UTRN: variants seen among roughly 807,000 people sequenced by gnomAD.
UTRN encodes the protein dystrophin-related protein 1.
Under a neutral mutation model 463.9 loss-of-function variants are expected in UTRN, and 283 were observed. The observed-to-expected ratio is 0.61, with a 90% CI of 0.55 to 0.67. The LOEUF (loss-of-function observed/expected upper bound fraction) is 0.67. UTRN is among the 30% of genes least tolerant of loss of function. UTRN has a pLI of 0.00. For missense variants in UTRN, 3,922 were observed against 4,084.3 expected, an observed-to-expected ratio of 0.96 and a Z score of 1.08; for synonymous variants, 1,442 against 1,431.5, an observed-to-expected ratio of 1.01 and a Z score of -0.17.
At chr6:144,554,175 T>G (rs908057213) in intron 48 of UTRN, among the ~76,000 whole-genome samples, 1 of 152,160 alleles carries the variant, frequency 6.6e-6, no homozygotes, top group Non-Finnish European at 1.5e-5. Context: ...TAAAATTCCT[T>G]TTAGAGAGTT....
At chr6:144,578,586 C>T (rs6942069) in intron 51 of UTRN, among the ~76,000 whole-genome samples, 28,501 of 152,132 alleles carry the variant, frequency 0.19, 2,796 homozygotes, top group South Asian at 0.31. Flanking sequence ...CCACCTGCCT[C>T]GGTCTCCCGA....
chr6:144,670,441 A>G (rs181438883), intron 51 of UTRN, among the ~76,000 whole-genome samples: 6 of 151,334 alleles, frequency 4.0e-5, no homozygotes, highest in Admixed American at 3.3e-4. Flanking sequence ...GGAATTGTCT[A>G]TTCATGTCCT....
At chr6:144,526,553 C>T (rs1335724464) in intron 41 of UTRN, among the ~76,000 whole-genome samples, 6 of 152,120 alleles carry the variant, frequency 3.9e-5, no homozygotes, top group South Asian at 4.1e-4. Flanking sequence ...CACCCCTTTG[C>T]CTTAAGTTTA....
chr6:144,704,821 G>T (rs1784925333), intron 53 of UTRN, among the ~76,000 whole-genome samples: 2 of 152,152 alleles, frequency 1.3e-5, no homozygotes, highest in South Asian at 4.2e-4. Flanking sequence ...AATTAGCTGG[G>T]TGTGGTGACG....
intron 4 of UTRN, 64 bp downstream of exon 4, chr6:144,422,034 G>A: frequency 7.4e-7 from 1 of 1,357,400 alleles, no homozygotes; most frequent in Non-Finnish European, 1.0e-6. Flanking sequence ...ATGACCCAGT[G>A]TGGGTACCCA....
intron 51 of UTRN, among the ~76,000 whole-genome samples, chr6:144,676,136 T>C (rs1781567099): frequency 6.6e-6 from 1 of 152,034 alleles, no homozygotes; most frequent in African/African-American, 2.4e-5. Flanking sequence ...TTGTTTTGGA[T>C]AAATCAGTGG....
intron 33 of UTRN, among the ~76,000 whole-genome samples, chr6:144,495,052 G>A (rs537855243): frequency 6.6e-6 from 1 of 152,234 alleles, no homozygotes; most frequent in Non-Finnish European, 1.5e-5. Flanking sequence ...GACTCTCCAC[G>A]TCCCCACCAG....
chr6:144,794,142 C>T, intron 63 of UTRN, 151 bp downstream of exon 63: 1 of 1,117,576 alleles, frequency 8.9e-7, no homozygotes. Flanking sequence ...TCCTAAGGCT[C>T]ATTTGCTTCA....
chr6:144,476,075 TA>T (rs149978350), intron 25 of UTRN, among the ~76,000 whole-genome samples: 4 of 141,862 alleles, frequency 2.8e-5, no homozygotes, highest in Non-Finnish European at 3.1e-5. Context: ...GATCCTGTCT[TA>T]AAAAAAAAAC....
chr6:144,839,472 T>G (rs1302541954), intron 72 of UTRN, among the ~76,000 whole-genome samples, 188 bp downstream of exon 72: 1 of 152,252 alleles, frequency 6.6e-6, no homozygotes, highest in Non-Finnish European at 1.5e-5. Flanking sequence ...TCAAATAAGC[T>G]ATAATACACT....
Position 144,557,295 on chromosome 6 carries a change from A to T in UTRN, c.7273A>T (p.Ile2425Phe). 2 of 1,613,412 alleles carry T rather than the reference A, an allele frequency of 1.2e-6. No homozygotes were observed. The highest frequency in any genetic ancestry group is 1.7e-6 in the Non-Finnish European group (2 of 1,179,600). ...ETTEYLKTSW[I>F]NLKQSIADRQ... ...CACAGAGTACTTAAAAACATCATGG[A>T]TCAATCTCAAACAAAGGTAAGTCTA... Residue 2425 changes from isoleucine to phenylalanine, a missense_variant, in exon 50 of 75, where the codon ATC (isoleucine) becomes TTC (phenylalanine). Physicochemically the swap from Ile to Phe is conservative, Grantham distance 21. Coordinates refer to ENST00000367545, the MANE Select transcript of UTRN (RefSeq NM_007124.3).
intron 51 of UTRN, among the ~76,000 whole-genome samples, chr6:144,625,991 G>A (rs757567849): frequency 6.6e-6 from 1 of 152,120 alleles, no homozygotes; most frequent in Non-Finnish European, 1.5e-5. Context: ...CGATCAAACA[G>A]TTTTCTTTCA....
chr6:144,483,753 T>C (rs576488815), intron 27 of UTRN, among the ~76,000 whole-genome samples: 1 of 152,342 alleles, frequency 6.6e-6, no homozygotes, highest in South Asian at 2.1e-4. Context: ...CCGGACTGGC[T>C]GAGGGTTTAA....
At chr6:144,453,969 T>C (rs1279139610) in intron 19 of UTRN, 100 bp downstream of exon 19, 6 of 921,484 alleles carry the variant, frequency 6.5e-6, no homozygotes, top group Non-Finnish European at 9.6e-6. Flanking sequence ...ACTCGAATCC[T>C]CTTTTGGCTA....
At chr6:144,591,732 A>C (rs1192252177) in intron 51 of UTRN, among the ~76,000 whole-genome samples, 2 of 152,102 alleles carry the variant, frequency 1.3e-5, no homozygotes, top group African/African-American at 2.4e-5. Context: ...TTTTGAGTCT[A>C]AACTCACCCC....
At chr6:144,445,186 A>G (rs1237646288) in intron 14 of UTRN, among the ~76,000 whole-genome samples, 1 of 151,982 alleles carries the variant, frequency 6.6e-6, no homozygotes, top group Non-Finnish European at 1.5e-5. Flanking sequence ...CCCCGTCTCC[A>G]CTAAAAATAT....
chr6:144,363,280 C>T (rs368267408), intron 2 of UTRN, among the ~76,000 whole-genome samples: 3 of 152,072 alleles, frequency 2.0e-5, no homozygotes, highest in Admixed American at 6.5e-5. Context: ...TTTCTCACTT[C>T]GAGAAGCACT....
intron 45 of UTRN, 147 bp downstream of exon 45, chr6:144,539,590 C>CTATGACAGATAAAAA: frequency 1.3e-6 from 1 of 790,878 alleles, no homozygotes; most frequent in Non-Finnish European, 1.8e-6. Flanking sequence ...TTTTATCTGT[C>CTATGACAGATAAAAA]ATAGACAGAG....
intron 51 of UTRN, among the ~76,000 whole-genome samples, chr6:144,608,568 C>T (rs1438115127): frequency 6.6e-6 from 1 of 152,114 alleles, no homozygotes; most frequent in Non-Finnish European, 1.5e-5. Flanking sequence ...CTGTACCACC[C>T]CTCCCCCAAG....
Sources: gnomAD v4.1 joint callset for allele counts (sites outside exome capture counted in the v4.1 genomes callset) on GRCh38, gnomAD v4.1.1 for gene constraint, MANE v1.5 for transcripts, NCBI Gene and HGNC (gene_info 2026-07-23, HGNC 2026-07-21) for gene names.